XRCC6: variants seen among roughly 807,000 people sequenced by gnomAD.
XRCC6 encodes the protein X-ray repair cross complementing 6.
A neutral mutation model predicts 65.7 loss-of-function variants in XRCC6; 5 were observed. The observed-to-expected ratio is 0.08, with a 90% CI of 0.04 to 0.16. The LOEUF (loss-of-function observed/expected upper bound fraction) is 0.16, where lower values mean the gene tolerates loss of function less well. XRCC6 is among the 10% of genes least tolerant of loss of function. The pLI, the probability that XRCC6 is intolerant of heterozygous loss-of-function variation, is 1.00. For missense variants in XRCC6, 447 were observed against 738.1 expected (o/e 0.61, Z 4.57); for synonymous variants, 270 against 270.6 (o/e 1.00, Z 0.02).
intron 4 of XRCC6, 39 bp downstream of exon 4, chr22:41,636,290 G>T: frequency 6.4e-7 from 1 of 1,558,458 alleles, no homozygotes; most frequent in South Asian, 1.2e-5. Context: ...CCTTATATAT[G>T]AGAATATCAG....
chr22:41,646,857 GT>G (rs1411507990), intron 6 of XRCC6, 38 bp from the exon 7 acceptor site: 3 of 1,535,174 alleles, frequency 2.0e-6, no homozygotes, highest in South Asian at 1.2e-5. Context: ...GAAAAGTGCA[GT>G]TTTTCAGTTC....
intron 6 of XRCC6, among the ~76,000 whole-genome samples, chr22:41,641,419 A>G (rs894935090): frequency 6.6e-5 from 10 of 152,194 alleles, no homozygotes; most frequent in South Asian, 6.2e-4. Flanking sequence ...ATCAGCATAG[A>G]TGGGTTATCT....
intron 8 of XRCC6, among the ~76,000 whole-genome samples, chr22:41,651,361 A>ATTTTTTT (rs764795746): frequency 2.0e-5 from 1 of 49,758 alleles, no homozygotes; most frequent in African/African-American, 6.2e-5. Flanking sequence ...AGTTAAACAG[A>ATTTTTTT]TTTTTTTTTT....
At chr22:41,649,142 AT>A (rs1569093128) in intron 7 of XRCC6, among the ~76,000 whole-genome samples, 17 of 122,932 alleles carry the variant, frequency 1.4e-4, no homozygotes, top group Middle Eastern at 3.8e-3. Context: ...AAAAAAAAAT[AT>A]ATATATATAT....
chr22:41,642,809 G>C (rs2147094039), intron 6 of XRCC6, among the ~76,000 whole-genome samples: 1 of 152,262 alleles, frequency 6.6e-6, no homozygotes. Context: ...GCAGCCTTTA[G>C]ACACTGATTT....
At chr22:41,633,912 T>C (rs1169949208) in intron 3 of XRCC6, among the ~76,000 whole-genome samples, 1 of 152,236 alleles carries the variant, frequency 6.6e-6, no homozygotes, top group Non-Finnish European at 1.5e-5. Context: ...AAACATTTTC[T>C]AAAATTCTGT....
At chr22:41,639,337 T>TTTTTTC (rs2067848435) in intron 6 of XRCC6, among the ~76,000 whole-genome samples, 1 of 116,342 alleles carries the variant, frequency 8.6e-6, no homozygotes, top group Non-Finnish European at 1.9e-5. Flanking sequence ...TTCTTTTTTT[T>TTTTTTC]TTTTTTTTTT....
intron 3 of XRCC6, among the ~76,000 whole-genome samples, chr22:41,631,907 C>G (rs1035483729): frequency 5.8e-4 from 89 of 152,328 alleles, no homozygotes; most frequent in Admixed American, 8.5e-4. Flanking sequence ...TGGCGGATCA[C>G]TCGCGGTTAG....
chr22:41,622,863 C>T (rs1368904795), intron 2 of XRCC6, among the ~76,000 whole-genome samples: 8 of 151,076 alleles, frequency 5.3e-5, no homozygotes, highest in South Asian at 4.2e-4. Flanking sequence ...GAGAATGGTG[C>T]GAACCTGGGA....
intron 7 of XRCC6, among the ~76,000 whole-genome samples, chr22:41,649,201 A>G (rs891694112): frequency 1.4e-5 from 2 of 142,862 alleles, no homozygotes; most frequent in South Asian, 2.3e-4. Context: ...TCTCTCTCCA[A>G]ACAATACAAA....
chr22:41,634,541 ACT>A (rs1325339156), intron 3 of XRCC6, among the ~76,000 whole-genome samples: 1 of 128,844 alleles, frequency 7.8e-6, no homozygotes. Flanking sequence ...GAACTGATGA[ACT>A]CTCTTTTTTT....
chr22:41,622,817 C>T (rs1282078664), intron 2 of XRCC6, among the ~76,000 whole-genome samples: 3 of 151,698 alleles, frequency 2.0e-5, no homozygotes, highest in African/African-American at 4.8e-5. Context: ...TGGTGGCGGT[C>T]GCCTGTAGTC....
chr22:41,625,679 G>A lies in XRCC6; in HGVS notation c.83-2439G>A, dbSNP rs148042880. On this transcript the variant is annotated intron_variant, in intron 2 of 12. Coordinates refer to ENST00000360079, the MANE Select transcript of XRCC6 (RefSeq NM_001469.5). ...TAATCTACACCAAAAGAGGTCAATC[G>A]GCAGGCCAGGCAAGGTGGCTCATGC... Among the ~76,000 whole-genome samples, 241 of 151,778 alleles carry A rather than the reference G, an allele frequency of 1.6e-3. 1 individual carries two copies. The highest frequency in any genetic ancestry group is 2.2e-3 in the Non-Finnish European group (150 of 67,872).
At chr22:41,636,478 T>C in intron 4 of XRCC6, 38 bp from the exon 5 acceptor site, 1 of 1,606,278 alleles carries the variant, frequency 6.2e-7, no homozygotes, top group Non-Finnish European at 8.5e-7. Flanking sequence ...GACATTCTTC[T>C]GATTTTTCTT....
intron 3 of XRCC6, among the ~76,000 whole-genome samples, chr22:41,629,674 T>A (rs1174206613): frequency 2.7e-5 from 4 of 148,430 alleles, no homozygotes; most frequent in East Asian, 2.0e-4. Context: ...TTATTTATTT[T>A]TATTATTATT....
intron 2 of XRCC6, among the ~76,000 whole-genome samples, chr22:41,624,698 TAATA>T (rs1569077345): frequency 1.8e-5 from 2 of 113,032 alleles, no homozygotes; most frequent in African/African-American, 6.7e-5. Flanking sequence ...AAAAAAATAA[TAATA>T]AAATAAAAAA....
At chr22:41,622,956 AAGTG>A (rs575841347) in intron 2 of XRCC6, among the ~76,000 whole-genome samples, 215 of 152,174 alleles carry the variant, frequency 1.4e-3, no homozygotes, top group African/African-American at 5.1e-3. Context: ...AAAAAAAAAA[AAGTG>A]AGAAACATAG....
chr22:41,645,803 C>T (rs2067925948), intron 6 of XRCC6, among the ~76,000 whole-genome samples: 1 of 150,534 alleles, frequency 6.6e-6, no homozygotes, highest in Non-Finnish European at 1.5e-5. Flanking sequence ...TCAAGCGATT[C>T]TCCTGCCTCA....
rs777502377 is a variant in XRCC6 at position 41,646,913 on chromosome 22, A to G, written c.791A>G (p.Asn264Ser). The change falls in exon 7 of 13, where the codon AAC becomes AGC. Residue 264 changes from asparagine to serine, a missense_variant. Physicochemically the swap from Asn to Ser is conservative, Grantham distance 46 (BLOSUM62 1). This residue lies in a region of XRCC6 where 14 missense variants were observed against 23.8 expected (regional missense o/e 0.59). Coordinates refer to ENST00000360079, the MANE Select transcript of XRCC6 (RefSeq NM_001469.5). ...TCCCTCAGGTTAAAGCTGAAGCTCAACAAAGATATAGTGATCTCTGTGGGC... is the reference window on the plus strand; with the variant it reads ...TCCCTCAGGTTAAAGCTGAAGCTCAGCAAAGATATAGTGATCTCTGTGGGC... ...RALSRLKLKL[N>S]KDIVISVGIY... 2 of 1,608,760 alleles carry G rather than the reference A, an allele frequency of 1.2e-6. No individual in the cohort carries two copies. Among genetic ancestry groups the G allele is most frequent in the East Asian group, 4.5e-5 (2 of 44,830 alleles).
Sources: gnomAD v4.1 joint callset for allele counts (sites outside exome capture counted in the v4.1 genomes callset) on GRCh38, gnomAD v4.1.1 for gene constraint, gnomAD v4.1.1 regional missense constraint, MANE v1.5 for transcripts, NCBI Gene and HGNC (gene_info 2026-07-23, HGNC 2026-07-21) for gene names.